Variants in VIPAS39 observed in about 807,000 individuals in gnomAD.
VIPAS39 encodes the protein spermatogenesis-defective protein 39 homolog.
A neutral mutation model predicts 84.7 loss-of-function variants in VIPAS39; 63 were observed. The ratio of observed to expected loss-of-function variants is 0.74; its 90% CI spans 0.61 to 0.92. The LOEUF (loss-of-function observed/expected upper bound fraction) is 0.92, where lower values mean the gene tolerates loss of function less well. VIPAS39 is among the 40% of genes least tolerant of loss of function. The pLI is 0.00. For missense variants in VIPAS39, 499 were observed against 604.5 expected (o/e 0.83, Z 1.83); for synonymous variants, 192 against 216.5 (o/e 0.89, Z 0.99).
intron 10 of VIPAS39, among the ~76,000 whole-genome samples, chr14:77,441,928 A>T (rs1199027356): frequency 6.6e-6 from 1 of 152,034 alleles, no homozygotes; most frequent in Non-Finnish European, 1.5e-5. Context: ...ATGATAGAAG[A>T]CCTCAGCCCT....
In VIPAS39 at chr14:77,436,156, A is replaced by C. The variant is rs568031530; in HGVS notation, c.837-237T>G. On this transcript the variant is annotated intron_variant, in intron 12 of 19. Coordinates refer to ENST00000557658, the MANE Select transcript of VIPAS39 (RefSeq NM_001193315.2). The stretch of plus-strand genomic sequence containing the variant: ...GTCCACAAAATACTTATAGTCACTC[A>C]TAATTTTGCTGATAAATGAATTAGA... Among the ~76,000 whole-genome samples, 5 of 152,354 alleles carry C rather than the reference A, an allele frequency of 3.3e-5. No homozygotes were observed. The East Asian group carries it at 7.7e-4, about 24-fold the overall frequency.
At chr14:77,451,594 T>G (rs1436600243) in intron 3 of VIPAS39, among the ~76,000 whole-genome samples, 1 of 152,184 alleles carries the variant, frequency 6.6e-6, no homozygotes, top group Non-Finnish European at 1.5e-5. Context: ...TTTTTTTCTT[T>G]TTTTTTAGAG....
chr14:77,429,799 G>C (rs1016944995), intron 16 of VIPAS39, 32 bp from the exon 17 acceptor site: 1 of 1,581,356 alleles, frequency 6.3e-7, no homozygotes, highest in Non-Finnish European at 8.7e-7. Flanking sequence ...GCGGCAGGTA[G>C]GCCAGGCACA....
chr14:77,443,001 C>A, intron 9 of VIPAS39, 118 bp downstream of exon 9: 2 of 1,392,430 alleles, frequency 1.4e-6, no homozygotes, highest in South Asian at 2.4e-5. Flanking sequence ...TCAGGCCACC[C>A]CACTTGTCTC....
intron 7 of VIPAS39, 25 bp from the exon 8 acceptor site, chr14:77,444,366 T>C (rs763394849): frequency 1.3e-6 from 2 of 1,593,252 alleles, no homozygotes; most frequent in Non-Finnish European, 1.7e-6. Context: ...CTAGAATTAG[T>C]ACACAAGAAG....
chr14:77,455,235 C>A (rs148825444), intron 1 of VIPAS39, among the ~76,000 whole-genome samples: 2 of 152,306 alleles, frequency 1.3e-5, no homozygotes, highest in East Asian at 3.9e-4. Context: ...GTAATCTCAG[C>A]ACTTTGGGAG....
chr14:77,435,157 T>C, intron 14 of VIPAS39, 102 bp downstream of exon 14: 1 of 1,568,886 alleles, frequency 6.4e-7, no homozygotes, highest in Non-Finnish European at 8.8e-7. Flanking sequence ...TTCTGAGAAC[T>C]ATACATACCC....
intron 1 of VIPAS39, chr14:77,457,152 T>G (rs1200401652): frequency 6.9e-7 from 1 of 1,440,552 alleles, no homozygotes; most frequent in Non-Finnish European, 9.1e-7. Flanking sequence ...AGGTGAGGCT[T>G]GTGAACTGAG....
At position 77,433,859 on chromosome 14, in the gene VIPAS39, C is replaced by A; in HGVS notation, c.1162G>T (p.Ala388Ser). The A allele has an allele frequency of 6.2e-7, 1 of 1,613,970 alleles. No homozygotes were observed. Among genetic ancestry groups the A allele is most frequent in the Non-Finnish European group, 8.5e-7 (1 of 1,179,938 alleles). Residue 388 changes from alanine (A) to serine (S), a missense_variant, in exon 16 of 20, where the codon GCC becomes TCC. Transcript: ENST00000557658. Reference sequence around the variant, plus strand: ...GCACACACCTTTGTGGTGAATAGGGCATCTACATCATTCCAGGCTCGAAGC... The same window carrying A: ...GCACACACCTTTGTGGTGAATAGGGAATCTACATCATTCCAGGCTCGAAGC... ...AKLRAWNDVD[A>S]LFTTKNWLGY... is the part of the protein sequence containing the mutation.
At chr14:77,443,951 G>C (rs148944054) in intron 8 of VIPAS39, among the ~76,000 whole-genome samples, 36 of 151,214 alleles carry the variant, frequency 2.4e-4, no homozygotes, top group African/African-American at 8.0e-4. Flanking sequence ...TGAGGTGAGA[G>C]GATCACTTAA....
At position 77,429,722 on chromosome 14, in the gene VIPAS39, G is replaced by A. The variant is rs757047677; in HGVS notation, c.1225C>T (p.Arg409Trp). 28 of 1,614,028 alleles carry A rather than the reference G, an allele frequency of 1.7e-5. No homozygotes were observed. Among genetic ancestry groups the A allele is most frequent in the Non-Finnish European group, 2.1e-5 (25 of 1,180,028 alleles). The change falls in exon 17 of 20, where the codon CGG becomes TGG. Residue 409 changes from arginine to tryptophan, a missense_variant. Physicochemically the swap from Arg to Trp is moderately radical, Grantham distance 101. Coordinates refer to ENST00000557658, the MANE Select transcript of VIPAS39 (RefSeq NM_001193315.2). ...TKKRAPIGFHRVVEILHKNNA... is the reference protein window; with the variant it reads ...TKKRAPIGFHWVVEILHKNNA... ...TTCTTGTGCAAAATTTCGACAACCC[G>A]ATGGAAGCCAATGGGTGCTCTCTTC...
chr14:77,434,174 G>A (rs2078567635), intron 15 of VIPAS39, 88 bp downstream of exon 15: 1 of 1,389,828 alleles, frequency 7.2e-7, no homozygotes, highest in East Asian at 2.3e-5. Context: ...AATATCAAAG[G>A]ACACACTGTA....
In VIPAS39 at chr14:77,428,388, A is replaced by G; in HGVS notation, c.1443T>C (p.Asp481=). The change falls in exon 19 of 20, where the codon GAT becomes GAC. Residue 481 remains aspartate (D), a synonymous_variant. Coordinates refer to ENST00000557658, the MANE Select transcript of VIPAS39 (RefSeq NM_001193315.2). ...DKGSAEEEKI[D]ALLSSSQIRW... ...TGCTCACCGAGCTGCTGAGAAGAGC[A>G]TCAATCTTCTCCTCCTCTGCTGATC... 6.2e-7 allele frequency: 1 copy of G among 1,613,920 alleles called. No individual in the cohort carries two copies. The highest frequency in any genetic ancestry group is 8.5e-7 in the Non-Finnish European group (1 of 1,179,872).
chr14:77,447,764 G>GCACC, intron 7 of VIPAS39, among the ~76,000 whole-genome samples: 1 of 152,168 alleles, frequency 6.6e-6, no homozygotes, highest in Non-Finnish European at 1.5e-5. Context: ...AGATTCAAGT[G>GCACC]ATTCTCCTGC....
At chr14:77,437,309 T>C (rs2078628388) in intron 12 of VIPAS39, among the ~76,000 whole-genome samples, 1 of 152,202 alleles carries the variant, frequency 6.6e-6, no homozygotes. Context: ...GGGCATCCTG[T>C]CACAGGAATA....
At chr14:77,442,976 T>C in intron 9 of VIPAS39, 143 bp downstream of exon 9, 5 of 1,092,940 alleles carry the variant, frequency 4.6e-6, no homozygotes, top group Non-Finnish European at 6.9e-6. Context: ...GAGATGTGAT[T>C]TGTGCTCTGA....
chr14:77,451,424 G>GGGCTTCTGGTGAA, intron 3 of VIPAS39, 91 bp from the exon 4 acceptor site: 1 of 1,604,708 alleles, frequency 6.2e-7, no homozygotes, highest in Non-Finnish European at 8.5e-7. Flanking sequence ...CTTTTCACCA[G>GGGCTTCTGGTGAA]AAGCCCTGGT....
chr14:77,453,763 T>TA lies in VIPAS39; in HGVS notation c.93+246dup, dbSNP rs144284628. 7.3e-5 allele frequency among the ~76,000 whole-genome samples: 11 copies of TA among 151,576 alleles called. 1 individual carries two copies. The East Asian group carries it at 1.9e-3, about 27-fold the overall frequency. Reference sequence around the variant, plus strand: ...TCCAATCCAGTTCATCTTTCAAAAATAAAAAAATATATATCACATAAATAA... The same window carrying TA: ...TCCAATCCAGTTCATCTTTCAAAAATAAAAAAAATATATATCACATAAATAA... On this transcript the variant is annotated intron_variant, in intron 2 of 19. Transcript: ENST00000557658.
Position 77,444,207 on chromosome 14 carries a change from A to G in VIPAS39, c.597+42T>C, listed in dbSNP as rs773529970. Reference sequence around the variant, plus strand: ...TTGATTGGATTTTCAGAAACTAGTGAAAACAATAATTAAACAAACAACAAC... The same window carrying G: ...TTGATTGGATTTTCAGAAACTAGTGGAAACAATAATTAAACAAACAACAAC... On this transcript the variant is annotated intron_variant, in intron 8 of 19. Transcript: ENST00000557658. 4.4e-6 allele frequency: 7 copies of G among 1,583,708 alleles called. No homozygotes were observed. The South Asian group carries it at 7.8e-5, about 18-fold the overall frequency.
Sources: gnomAD v4.1 joint callset for allele counts (sites outside exome capture counted in the v4.1 genomes callset) on GRCh38, gnomAD v4.1.1 for gene constraint, MANE v1.5 for transcripts, NCBI Gene and HGNC (gene_info 2026-07-23, HGNC 2026-07-21) for gene names.